The following TMC1 variants were observed in gnomAD, a reference collection of about 807,000 sequenced individuals.
The protein encoded by TMC1 is transmembrane channel like 1, also known as transmembrane channel-like protein 1.
In TMC1, 84 loss-of-function variants were observed where a neutral mutation model predicts 105.8. That is an observed-to-expected ratio of 0.79 (90% CI 0.67 to 0.95). TMC1 has a LOEUF of 0.95. TMC1 is among the 40% of genes least tolerant of loss of function. The pLI, the probability that TMC1 is intolerant of heterozygous loss-of-function variation, is 0.00. For missense variants in TMC1, 817 were observed against 914.1 expected, an observed-to-expected ratio of 0.89 and a Z score of 1.37; for synonymous variants, 315 against 311.5, an observed-to-expected ratio of 1.01 and a Z score of -0.12.
In TMC1 at chr9:72,754,846, G is replaced by C; in HGVS notation, c.703G>C (p.Ala235Pro). Residue 235 changes from alanine (A) to proline (P), a missense_variant, in exon 12 of 24, where the codon GCA becomes CCA. By Grantham distance (27) the Ala-to-Pro change is conservative. Transcript: ENST00000297784. The stretch of plus-strand genomic sequence containing the variant: ...GAAAACCGTTCCCAGAGCCGAAGAG[G>C]CATCGGCAGCAAACTTTGGTGTGTT... Reference protein sequence around the residue: ...PRKTVPRAEEASAANFGVLYD... With the variant: ...PRKTVPRAEEPSAANFGVLYD... 1 of 1,614,128 alleles carries C rather than the reference G, an allele frequency of 6.2e-7. No homozygotes were observed. The highest frequency in any genetic ancestry group is 1.3e-5 in the African/African-American group (1 of 75,046).
At chr9:72,813,936 AG>A (rs1169457708) in intron 18 of TMC1, among the ~76,000 whole-genome samples, 1 of 152,158 alleles carries the variant, frequency 6.6e-6, no homozygotes, top group East Asian at 1.9e-4. Flanking sequence ...TTATAGATCA[AG>A]GGGGTTGTTC....
rs573785151 is a variant in TMC1 at position 72,553,129 on chromosome 9, A to G, written c.-427-24773A>G. ...GCTGGGATTACAGGCATGTGCCACC[A>G]TGCTGGGCTAATTTTGTATTTTTAG... On this transcript the variant is annotated intron_variant, in intron 1 of 23. Transcript: ENST00000297784. Among the ~76,000 whole-genome samples the G allele has an allele frequency of 2.6e-5, 4 of 152,104 alleles. No homozygotes were observed. The South Asian group carries it at 8.3e-4, about 32-fold the overall frequency.
At chr9:72,769,894 TA>T (rs1214053100) in intron 12 of TMC1, among the ~76,000 whole-genome samples, 1 of 152,134 alleles carries the variant, frequency 6.6e-6, no homozygotes, top group Non-Finnish European at 1.5e-5. Flanking sequence ...AACAAGAGAT[TA>T]AGTGTCTATA....
Position 72,820,832 on chromosome 9 carries a change from T to G in TMC1, c.1764-10T>G, listed in dbSNP as rs1828856659. 1 of 1,614,056 alleles carries G rather than the reference T, an allele frequency of 6.2e-7. No individual in the cohort carries two copies. Among genetic ancestry groups the G allele is most frequent in the Non-Finnish European group, 8.5e-7 (1 of 1,180,038 alleles). On this transcript the variant is annotated splice_polypyrimidine_tract_variant and intron_variant, in intron 19 of 23. Transcript: ENST00000297784. ...ACTCAAAACTGAGCAGAGTTCTGTTTTCTTTCTAGGATGGGCTCCTTCTTT... is the reference window on the plus strand; with the variant it reads ...ACTCAAAACTGAGCAGAGTTCTGTTGTCTTTCTAGGATGGGCTCCTTCTTT...
At chr9:72,566,770 T>C (rs1048901024) in intron 1 of TMC1, among the ~76,000 whole-genome samples, 4 of 152,206 alleles carry the variant, frequency 2.6e-5, no homozygotes, top group African/African-American at 7.2e-5. Flanking sequence ...AGATTGATTC[T>C]ATCCACTTGT....
chr9:72,826,902 G>C lies in TMC1; in HGVS notation c.2037G>C (p.Glu679Asp). ...ATAGAATGTTTGAAGTCATTGGAGAGACCCTGGAGCACGATTTCCCAAGCT... is the reference window on the plus strand; with the variant it reads ...ATAGAATGTTTGAAGTCATTGGAGACACCCTGGAGCACGATTTCCCAAGCT... Reference protein sequence around the residue: ...GKNRMFEVIGETLEHDFPSWM... With the variant: ...GKNRMFEVIGDTLEHDFPSWM... Residue 679 changes from glutamate (E) to aspartate (D), a missense_variant, in exon 21 of 24, where the codon GAG (glutamate) becomes GAC (aspartate). Glu to Asp is a conservative substitution (Grantham distance 45). Coordinates refer to ENST00000297784, the MANE Select transcript of TMC1 (RefSeq NM_138691.3). 6.2e-7 allele frequency: 1 copy of C among 1,614,058 alleles called. No individual in the cohort carries two copies. The highest frequency in any genetic ancestry group is 8.5e-7 in the Non-Finnish European group (1 of 1,179,924).
chr9:72,823,405 C>G (rs1291740803), intron 20 of TMC1, among the ~76,000 whole-genome samples: 2 of 152,078 alleles, frequency 1.3e-5, no homozygotes, highest in African/African-American at 2.4e-5. Context: ...TATCTAGATC[C>G]TGGGCAAGCA....
At chr9:72,680,780 T>C (rs1826273803) in intron 5 of TMC1, among the ~76,000 whole-genome samples, 4 of 152,160 alleles carry the variant, frequency 2.6e-5, no homozygotes, top group African/African-American at 9.7e-5. Context: ...TAATGAGCAA[T>C]AATTAGCATC....
intron 17 of TMC1, among the ~76,000 whole-genome samples, chr9:72,796,561 G>A (rs1301084191): frequency 6.6e-6 from 1 of 152,142 alleles, no homozygotes; most frequent in Non-Finnish European, 1.5e-5. Context: ...TGGAAGGTTA[G>A]TTCAACATAT....
intron 3 of TMC1, among the ~76,000 whole-genome samples, chr9:72,621,075 T>G (rs953593933): frequency 6.6e-6 from 1 of 152,184 alleles, no homozygotes; most frequent in African/African-American, 2.4e-5. Context: ...AATGGTGAAT[T>G]GCCCTTATTC....
At chr9:72,695,612 C>A (rs911653946) in intron 7 of TMC1, among the ~76,000 whole-genome samples, 1 of 152,144 alleles carries the variant, frequency 6.6e-6, no homozygotes, top group African/African-American at 2.4e-5. Flanking sequence ...GAGGAACTTT[C>A]TAAGATGTCC....
At chr9:72,666,738 T>C (rs1427000195) in intron 5 of TMC1, among the ~76,000 whole-genome samples, 3 of 152,000 alleles carry the variant, frequency 2.0e-5, no homozygotes, top group Non-Finnish European at 4.4e-5. Flanking sequence ...GTGGATCAAT[T>C]AACAAATAAG....
chr9:72,556,004 A>T (rs1234635827), intron 1 of TMC1, among the ~76,000 whole-genome samples: 2 of 131,814 alleles, frequency 1.5e-5, no homozygotes, highest in African/African-American at 3.0e-5. Flanking sequence ...AAAAAAAAAA[A>T]GTTGCACAGA....
chr9:72,688,157 G>A (rs372006910), intron 5 of TMC1, among the ~76,000 whole-genome samples: 1 of 151,834 alleles, frequency 6.6e-6, no homozygotes. Flanking sequence ...TCACATATTG[G>A]GAAATTTAGG....
chr9:72,784,024 G>T (rs922980866), intron 13 of TMC1, among the ~76,000 whole-genome samples: 1 of 152,062 alleles, frequency 6.6e-6, no homozygotes, highest in African/African-American at 2.4e-5. Context: ...CCTTCATTAA[G>T]AAGACTCCAA....
chr9:72,671,721 T>G (rs919350165), intron 5 of TMC1, among the ~76,000 whole-genome samples: 2 of 152,154 alleles, frequency 1.3e-5, no homozygotes, highest in East Asian at 3.8e-4. Flanking sequence ...GACTGTATAT[T>G]TTTTAAATTA....
At chr9:72,623,149 T>G (rs1455888523) in intron 3 of TMC1, among the ~76,000 whole-genome samples, 1 of 59,374 alleles carries the variant, frequency 1.7e-5, no homozygotes, top group South Asian at 5.9e-4. Context: ...CTCTCCCTGT[T>G]TTTTTTTTTT....
At chr9:72,814,407 C>T (rs1418804731) in intron 18 of TMC1, among the ~76,000 whole-genome samples, 2 of 152,046 alleles carry the variant, frequency 1.3e-5, no homozygotes, top group Non-Finnish European at 2.9e-5. Context: ...ATTTTTTTTC[C>T]ATTGATGATT....
At chr9:72,792,884 A>C (rs973284112) in intron 17 of TMC1, among the ~76,000 whole-genome samples, 7 of 152,180 alleles carry the variant, frequency 4.6e-5, no homozygotes, top group South Asian at 2.1e-4. Context: ...CTAATCAAGG[A>C]AACAACTTGA....
Sources: allele counts gnomAD v4.1 joint callset (sites outside exome capture counted in the v4.1 genomes callset), GRCh38; gene constraint gnomAD v4.1.1; transcripts MANE v1.5; gene names NCBI Gene and HGNC (gene_info 2026-07-23, HGNC 2026-07-21).